The following DLGAP2 variants were observed in gnomAD, a reference collection of about 807,000 sequenced individuals.
DLGAP2 encodes the protein DLG associated protein 2.
DLGAP2 carries 26 observed loss-of-function variants against 100.3 expected under a neutral mutation model. The ratio of observed to expected loss-of-function variants is 0.26; its 90% confidence interval spans 0.19 to 0.36. The LOEUF (loss-of-function observed/expected upper bound fraction) is 0.36. Among genes scored for constraint, DLGAP2 ranks in the 10% least tolerant of loss-of-function variants. The pLI is 1.00. For synonymous variants in DLGAP2, 886 were observed against 630.1 expected, an observed-to-expected ratio of 1.41 and a Z score of -6.08; for missense variants, 1,858 against 1,453.2, an observed-to-expected ratio of 1.28 and a Z score of -4.53.
chr8:833,279 G>A (rs903300215), intron 1 of DLGAP2, among the ~76,000 whole-genome samples: 2 of 152,126 alleles, frequency 1.3e-5, no homozygotes, highest in Admixed American at 1.3e-4. Flanking sequence ...CAGGCTTTTT[G>A]CTGTAACAAA....
chr8:1,533,274 A>C (rs928133845), intron 4 of DLGAP2, among the ~76,000 whole-genome samples: 4 of 152,044 alleles, frequency 2.6e-5, no homozygotes, highest in Non-Finnish European at 5.9e-5. Context: ...CGAGGTGGGC[A>C]GATCATGAGG....
At chr8:1,345,506 G>A (rs534986792) in intron 3 of DLGAP2, among the ~76,000 whole-genome samples, 1 of 152,248 alleles carries the variant, frequency 6.6e-6, no homozygotes, top group African/African-American at 2.4e-5. Context: ...ATATTACTTG[G>A]CATAAGTTTT....
At position 965,372 on chromosome 8, in the gene DLGAP2, GC is replaced by G. The variant is rs1340018431; in HGVS notation, c.73+57407del. 2.7e-3 allele frequency among the ~76,000 whole-genome samples: 185 copies of G among 68,694 alleles called. 7 individuals are homozygous for G. Among genetic ancestry groups the G allele is most frequent in the Admixed American group, 3.8e-3 (19 of 4,950 alleles). 45.1% of individuals were successfully genotyped at this position (68,694 alleles called of 152,430 possible). A position where few individuals can be genotyped will look rare whatever the true frequency, so the allele number is the denominator to read the frequency against. ...CAGGGCTCCTGAGTCTGACCCCTGC[GC>G]TGTACACGGCACTGTTCATCACACA... On this transcript the variant is annotated intron_variant, in intron 2 of 14. Coordinates refer to ENST00000637795, the MANE Select transcript of DLGAP2 (RefSeq NM_001346810.2).
chr8:1,475,325 GAAA>G (rs909961759), intron 3 of DLGAP2, among the ~76,000 whole-genome samples: 3 of 150,754 alleles, frequency 2.0e-5, no homozygotes, highest in African/African-American at 7.3e-5. Flanking sequence ...CGTTAAAAAA[GAAA>G]AAAAAGCCGG....
chr8:997,757 C>T (rs571504304), intron 2 of DLGAP2, among the ~76,000 whole-genome samples: 1 of 152,154 alleles, frequency 6.6e-6, no homozygotes, highest in African/African-American at 2.4e-5. Flanking sequence ...AGTACTATTC[C>T]TGCGTTTTCT....
chr8:1,178,510 G>A (rs1260223520), intron 2 of DLGAP2, among the ~76,000 whole-genome samples: 1 of 152,106 alleles, frequency 6.6e-6, no homozygotes, highest in East Asian at 1.9e-4. Context: ...ATCAAGTAAC[G>A]TTGACAAACA....
At chr8:1,462,910 A>C (rs184918278) in intron 3 of DLGAP2, among the ~76,000 whole-genome samples, 1 of 152,204 alleles carries the variant, frequency 6.6e-6, no homozygotes, top group African/African-American at 2.4e-5. Context: ...TGGCTCAAAC[A>C]CATGTTGCCC....
chr8:1,159,400 C>CA (rs773477857), intron 2 of DLGAP2, among the ~76,000 whole-genome samples: 2 of 152,134 alleles, frequency 1.3e-5, no homozygotes, highest in Non-Finnish European at 2.9e-5. Flanking sequence ...TCTGTGGGAT[C>CA]AAAAATGCAT....
intron 2 of DLGAP2, among the ~76,000 whole-genome samples, chr8:1,204,609 A>T (rs773691303): frequency 1.3e-5 from 2 of 152,186 alleles, no homozygotes; most frequent in Non-Finnish European, 2.9e-5. Context: ...GGCCTGAAGG[A>T]CAGGAGAGAC....
At chr8:1,080,014 G>C (rs1247761487) in intron 2 of DLGAP2, among the ~76,000 whole-genome samples, 1 of 152,198 alleles carries the variant, frequency 6.6e-6, no homozygotes. Flanking sequence ...GGAAGTGGAG[G>C]CTTCTGAAAG....
At position 1,000,414 on chromosome 8, in the gene DLGAP2, A is replaced by T. The variant is rs185833928; in HGVS notation, c.73+92448A>T. Among the ~76,000 whole-genome samples, 71 of 128,330 alleles carry T rather than the reference A, an allele frequency of 5.5e-4. 1 individual carries two copies. The highest frequency in any genetic ancestry group is 6.7e-3 in the Middle Eastern group (1 of 150). The allele number at this position is 128,330 out of a possible 152,430, so 84.2% of individuals were successfully genotyped here. On this transcript the variant is annotated intron_variant, in intron 2 of 14. Transcript: ENST00000637795. ...TTGGGGTGGTTTTCTTTTGCACCGG[A>T]TTTTCTCTAGAGCAGACAGATCCGG...
chr8:1,052,497 A>G (rs1002035528), intron 2 of DLGAP2, among the ~76,000 whole-genome samples: 10 of 152,312 alleles, frequency 6.6e-5, no homozygotes, highest in African/African-American at 1.9e-4. Flanking sequence ...AGGGAGTATC[A>G]TCTTTGGAGG....
chr8:1,107,110 G>A (rs1370864506), intron 2 of DLGAP2, among the ~76,000 whole-genome samples: 1 of 152,112 alleles, frequency 6.6e-6, no homozygotes, highest in Non-Finnish European at 1.5e-5. Flanking sequence ...ACCTGCGGGC[G>A]GTATCACACA....
intron 1 of DLGAP2, among the ~76,000 whole-genome samples, chr8:863,468 C>A (rs912141213): frequency 2.0e-5 from 3 of 152,212 alleles, no homozygotes; most frequent in Non-Finnish European, 4.4e-5. Flanking sequence ...TTTCGGCATT[C>A]CACTGGTGCG....
rs564839734 is a variant in DLGAP2 at position 1,439,697 on chromosome 8, C to G, written c.107-61669C>G. Among the ~76,000 whole-genome samples, 24 of 152,278 alleles carry G rather than the reference C, an allele frequency of 1.6e-4. 1 individual carries two copies. In the South Asian group the frequency reaches 4.8e-3, roughly 30 times the overall value. ...GGCAACGTGAGCAGTATGTCTCCTG[C>G]TCACCTTCTTCCCGCCATCCCCTAG... On this transcript the variant is annotated intron_variant, in intron 3 of 14. Transcript: ENST00000637795.
At chr8:1,527,173 C>T (rs954797832) in intron 4 of DLGAP2, among the ~76,000 whole-genome samples, 5 of 152,236 alleles carry the variant, frequency 3.3e-5, no homozygotes, top group African/African-American at 4.8e-5. Context: ...TTCACAAATC[C>T]GTGACTGACA....
chr8:1,625,203 T>A (rs1417950817), intron 6 of DLGAP2, among the ~76,000 whole-genome samples: 6 of 152,244 alleles, frequency 3.9e-5, no homozygotes, highest in Admixed American at 3.9e-4. Context: ...TGTGCACTGA[T>A]ATTTAATGTT....
rs1026250167 is a variant in DLGAP2 at position 1,083,336 on chromosome 8, G to A, written c.73+175370G>A. 2.6e-5 allele frequency among the ~76,000 whole-genome samples: 4 copies of A among 152,200 alleles called. 1 individual carries two copies. The highest frequency in any genetic ancestry group is 2.6e-4 in the Admixed American group (4 of 15,280). ...TAATTCTTCACGGGCTGAAGGCAGAGCCCCAGCCTTTCGGAGAGGCAGGGG... is the reference window on the plus strand; with the variant it reads ...TAATTCTTCACGGGCTGAAGGCAGAACCCCAGCCTTTCGGAGAGGCAGGGG... On this transcript the variant is annotated intron_variant, in intron 2 of 14. Coordinates refer to ENST00000637795, the MANE Select transcript of DLGAP2 (RefSeq NM_001346810.2).
chr8:963,753 A>G (rs953266836), intron 2 of DLGAP2, among the ~76,000 whole-genome samples: 2 of 152,208 alleles, frequency 1.3e-5, no homozygotes, highest in African/African-American at 4.8e-5. Context: ...TATTATTTCA[A>G]GATCCTAATG....
Sources: gnomAD v4.1 joint callset for allele counts (sites outside exome capture counted in the v4.1 genomes callset) on GRCh38, gnomAD v4.1.1 for gene constraint, MANE v1.5 for transcripts, NCBI Gene and HGNC (gene_info 2026-07-23, HGNC 2026-07-21) for gene names.